Variants in KLF13 observed in about 807,000 individuals in gnomAD.
KLF13 encodes KLF transcription factor 13, also known as Krueppel-like factor 13.
A neutral mutation model predicts 16.7 loss-of-function variants in KLF13; 8 were observed. The ratio of observed to expected loss-of-function variants is 0.48; its 90% confidence interval spans 0.28 to 0.87. The LOEUF (loss-of-function observed/expected upper bound fraction) is 0.87. KLF13 is among the 40% of genes least tolerant of loss of function. The pLI, the probability that KLF13 is intolerant of heterozygous loss-of-function variation, is 0.10. For missense variants in KLF13, 447 were observed against 452.2 expected (o/e 0.99, Z 0.10); for synonymous variants, 245 against 208.4 (o/e 1.18, Z -1.51).
chr15:31,414,982 A>G (rs190828050), intron 1 of KLF13, among the ~76,000 whole-genome samples: 1 of 152,276 alleles, frequency 6.6e-6, no homozygotes, highest in African/African-American at 2.4e-5. Context: ...TCCTTCATGA[A>G]TGTCTTGGTG....
intron 1 of KLF13, among the ~76,000 whole-genome samples, chr15:31,370,425 C>CCTTTTTTT (rs550965765): frequency 6.9e-6 from 1 of 145,146 alleles, no homozygotes. Flanking sequence ...GTTGTTTTTG[C>CCTTTTTTT]TTTTTTTTTT....
At chr15:31,351,050 A>C (rs1205328580) in intron 1 of KLF13, among the ~76,000 whole-genome samples, 1 of 152,228 alleles carries the variant, frequency 6.6e-6, no homozygotes, top group Non-Finnish European at 1.5e-5. Flanking sequence ...CAAATCCACC[A>C]TCCCTGGACC....
At chr15:31,382,026 A>G (rs1403672988), downstream of KLF13, among the ~76,000 whole-genome samples, 1 of 152,152 alleles carries the variant, frequency 6.6e-6, no homozygotes, top group African/African-American at 2.4e-5. Flanking sequence ...CAAGCTTGGC[A>G]TGGTCTGTGT....
intron 2 of KLF13, among the ~76,000 whole-genome samples, chr15:31,398,352 C>T (rs1399147429): frequency 6.6e-6 from 1 of 152,094 alleles, no homozygotes. Context: ...GTTTAGAAGG[C>T]GTATGGGGGT....
At chr15:31,390,924 T>A (rs1243874937), upstream of KLF13, among the ~76,000 whole-genome samples, 1 of 151,754 alleles carries the variant, frequency 6.6e-6, no homozygotes, top group Non-Finnish European at 1.5e-5. Context: ...TCATGTCTGG[T>A]GGGAGCCTTT....
At chr15:31,433,837 G>A (rs1015743002) in intron 1 of KLF13, among the ~76,000 whole-genome samples, 28 of 152,310 alleles carry the variant, frequency 1.8e-4, no homozygotes, top group Middle Eastern at 6.8e-3. Context: ...CCTGGCAGCC[G>A]AGGCCACAGC....
At chr15:31,415,831 A>G (rs2040248143) in intron 1 of KLF13, among the ~76,000 whole-genome samples, 1 of 152,050 alleles carries the variant, frequency 6.6e-6, no homozygotes, top group African/African-American at 2.4e-5. Flanking sequence ...GACAATAAAA[A>G]TAATAGAAAA....
At chr15:31,346,305 C>T (rs62037891) in intron 1 of KLF13, among the ~76,000 whole-genome samples, 5 of 152,232 alleles carry the variant, frequency 3.3e-5, no homozygotes, top group Non-Finnish European at 5.9e-5. Flanking sequence ...ATTTCCACAC[C>T]GGCCCTTTGC....
chr15:31,429,710 T>C (rs1012368410), intron 1 of KLF13, among the ~76,000 whole-genome samples: 1 of 142,440 alleles, frequency 7.0e-6, no homozygotes, highest in Non-Finnish European at 1.5e-5. Flanking sequence ...TTTATTTATT[T>C]ATTTATTTAT....
At chr15:31,416,947 G>C (rs2040262551) in intron 1 of KLF13, among the ~76,000 whole-genome samples, 1 of 152,206 alleles carries the variant, frequency 6.6e-6, no homozygotes, top group Non-Finnish European at 1.5e-5. Flanking sequence ...CCTTTAAGAG[G>C]TGATTAGGTT....
chr15:31,403,821 C>G lies in KLF13; in HGVS notation n.923C>G, dbSNP rs112833316. On this transcript the variant is annotated non_coding_transcript_exon_variant, in exon 3 of 3. Transcript: ENST00000500533. Reference sequence around the variant, plus strand: ...TAGTCAGAGATAGTCCTAACTGATTCACCACCCTCAGAGAGTTTACAGCCA... The same window carrying G: ...TAGTCAGAGATAGTCCTAACTGATTGACCACCCTCAGAGAGTTTACAGCCA... 3.9e-5 allele frequency: 6 copies of G among 152,336 alleles called. No individual in the cohort carries two copies. The East Asian group carries it at 9.6e-4, about 24-fold the overall frequency. The allele number at this position is 152,336 out of a possible 1,614,324, so 9.4% of individuals were successfully genotyped here.
At chr15:31,328,382 C>T (rs1008083417) in intron 1 of KLF13, among the ~76,000 whole-genome samples, 2 of 152,018 alleles carry the variant, frequency 1.3e-5, no homozygotes, top group African/African-American at 4.8e-5. Flanking sequence ...TTGTCGTAAC[C>T]AAAGTCAGCG....
At chr15:31,348,684 T>C (rs570379066) in intron 1 of KLF13, among the ~76,000 whole-genome samples, 1 of 152,092 alleles carries the variant, frequency 6.6e-6, no homozygotes, top group Admixed American at 6.5e-5. Context: ...GTGGGGTGTC[T>C]CGGTGCTGGC....
At chr15:31,414,372 C>T (rs2040231690) in intron 1 of KLF13, among the ~76,000 whole-genome samples, 1 of 152,082 alleles carries the variant, frequency 6.6e-6, no homozygotes, top group South Asian at 2.1e-4. Flanking sequence ...CTAATTATAT[C>T]AATAATATCA....
chr15:31,403,705 C>T (rs1051383926), exon 3 of KLF13: 1 of 152,216 alleles, frequency 6.6e-6, no homozygotes, highest in Admixed American at 6.5e-5. Context: ...CACAGTGTAG[C>T]CCCTGTAACA....
At chr15:31,409,217 G>A (rs1033447873), downstream of KLF13, among the ~76,000 whole-genome samples, 3 of 151,956 alleles carry the variant, frequency 2.0e-5, no homozygotes, top group Non-Finnish European at 2.9e-5. Context: ...CCCAGGAGGC[G>A]GAGTTCACAG....
At chr15:31,398,398 C>A (rs2039985574) in intron 2 of KLF13, among the ~76,000 whole-genome samples, 1 of 152,206 alleles carries the variant, frequency 6.6e-6, no homozygotes, top group South Asian at 2.1e-4. Flanking sequence ...CAGCTGCTGG[C>A]ATTTCGTGTG....
chr15:31,432,436 G>T (rs1283404635), intron 1 of KLF13, among the ~76,000 whole-genome samples: 22 of 86,842 alleles, frequency 2.5e-4, no homozygotes, highest in African/African-American at 3.1e-4. Context: ...TTTCTTTCTT[G>T]TTCTCTCTTT....
downstream of KLF13, among the ~76,000 whole-genome samples, chr15:31,407,450 TAGAA>T (rs538877497): frequency 3.1e-4 from 47 of 152,238 alleles, no homozygotes; most frequent in South Asian, 3.5e-3. Context: ...TAAGGAGAAA[TAGAA>T]GGCTTCCTTC....
Sources: allele counts gnomAD v4.1 joint callset (sites outside exome capture counted in the v4.1 genomes callset), GRCh38; gene constraint gnomAD v4.1.1; transcripts MANE v1.5; gene names NCBI Gene and HGNC (gene_info 2026-07-23, HGNC 2026-07-21).